The following FUT2 variants were observed in gnomAD, a reference collection of about 807,000 sequenced individuals.
The protein encoded by FUT2 is galactoside alpha-(1,2)-fucosyltransferase 2.
For synonymous variants in FUT2, 182 were observed against 193.1 expected (o/e 0.94, Z 0.48); for missense variants, 419 against 465.8 (o/e 0.90, Z 0.93).
chr19:48,701,367 C>G (rs1305539105), intron 1 of FUT2, among the ~76,000 whole-genome samples: 1 of 151,936 alleles, frequency 6.6e-6, no homozygotes, highest in Non-Finnish European at 1.5e-5. Flanking sequence ...TTAGTAGAGA[C>G]AGGGCCTTGT....
intron 1 of FUT2, chr19:48,696,762 G>T: frequency 6.6e-6 from 1 of 152,522 alleles, no homozygotes; most frequent in Non-Finnish European, 1.5e-5. Context: ...CGAGGCAGTG[G>T]GGTGCGACTG....
rs373601796 is a variant in FUT2 at position 48,703,599 on chromosome 19, G to A, written c.643G>A (p.Gly215Arg). Residue 215 changes from glycine to arginine, a missense_variant, in exon 2 of 2, where the codon GGG becomes AGG. Physicochemically the swap from Gly to Arg is moderately radical, Grantham distance 125. Coordinates refer to ENST00000425340, the MANE Select transcript of FUT2 (RefSeq NM_000511.6). ...CCATGTCATGCCAAAAGTGTGGAAG[G>A]GGGTGGTGGCCGACCGGCGATACCT... is the stretch of plus-strand genomic sequence containing the variant. ...YVHVMPKVWK[G>R]VVADRRYLQQ... The A allele has an allele frequency of 6.2e-7, 1 of 1,613,168 alleles. No homozygotes were observed. Among genetic ancestry groups the A allele is most frequent in the Non-Finnish European group, 8.5e-7 (1 of 1,179,934 alleles).
At position 48,704,182 on chromosome 19, in the gene FUT2, G is replaced by A; in HGVS notation, c.*194G>A. 1.5e-6 allele frequency: 1 copy of A among 652,518 alleles called. No individual in the cohort carries two copies. The highest frequency in any genetic ancestry group is 2.8e-6 in the Non-Finnish European group (1 of 354,164). The allele number at this position is 652,518 out of a possible 1,614,324, so 40.4% of individuals were successfully genotyped here. ...CATGCCTGTAATGCTCGCACTTTGT[G>A]AGGCCAGGGTGGGTGGATCACTTGA... is the stretch of plus-strand genomic sequence containing the variant. On this transcript the variant is annotated 3_prime_UTR_variant, in exon 2 of 2. Coordinates refer to ENST00000425340, the MANE Select transcript of FUT2 (RefSeq NM_000511.6).
At position 48,701,849 on chromosome 19, in the gene FUT2, C is replaced by T. The variant is rs542439280; in HGVS notation, c.-2-1106C>T. ...CTCTACTAAAAATACAAAAGTTAGCCAGGCGTGGTGGCGGGCGCCTGTAAT... is the reference window on the plus strand; with the variant it reads ...CTCTACTAAAAATACAAAAGTTAGCTAGGCGTGGTGGCGGGCGCCTGTAAT... On this transcript the variant is annotated intron_variant, in intron 1 of 1. Coordinates refer to ENST00000425340, the MANE Select transcript of FUT2 (RefSeq NM_000511.6). 1.4e-3 allele frequency among the ~76,000 whole-genome samples: 212 copies of T among 151,782 alleles called. 1 individual carries two copies. The highest frequency in any genetic ancestry group is 9.4e-3 in the South Asian group (44 of 4,698).
chr19:48,698,860 G>A (rs1007997208), intron 1 of FUT2, among the ~76,000 whole-genome samples: 1 of 151,950 alleles, frequency 6.6e-6, no homozygotes, highest in Non-Finnish European at 1.5e-5. Context: ...ACATGTGTGA[G>A]CCATCATGCC....
At chr19:48,700,163 A>G (rs535197862) in intron 1 of FUT2, among the ~76,000 whole-genome samples, 3 of 150,312 alleles carry the variant, frequency 2.0e-5, no homozygotes, top group East Asian at 4.0e-4. Flanking sequence ...AAAAAAAAAA[A>G]AAAAAAAAAA....
chr19:48,701,950 G>C (rs2032524877), intron 1 of FUT2, among the ~76,000 whole-genome samples: 1 of 151,956 alleles, frequency 6.6e-6, no homozygotes, highest in Admixed American at 6.6e-5. Flanking sequence ...CAGAGATCGT[G>C]CCATTGCACT....
At chr19:48,700,477 C>T (rs2032494420) in intron 1 of FUT2, among the ~76,000 whole-genome samples, 1 of 151,872 alleles carries the variant, frequency 6.6e-6, no homozygotes, top group South Asian at 2.1e-4. Flanking sequence ...TAGGCGCCCA[C>T]CACCACACCC....
At position 48,704,631 on chromosome 19, in the gene FUT2, C is replaced by G; in HGVS notation, c.*643C>G. The G allele has an allele frequency of 2.4e-6, 1 of 414,056 alleles. No homozygotes were observed. The highest frequency in any genetic ancestry group is 4.4e-6 in the Non-Finnish European group (1 of 227,118). The allele number at this position is 414,056 out of a possible 1,614,324, so 25.6% of individuals were successfully genotyped here. On this transcript the variant is annotated 3_prime_UTR_variant, in exon 2 of 2. Coordinates refer to ENST00000425340, the MANE Select transcript of FUT2 (RefSeq NM_000511.6). ...TCATCCCATGGTCCCAAAAGGGCTG[C>G]TACACATCCAGCCATCACATGCAGA...
Position 48,703,055 on chromosome 19 carries a change from G to A in FUT2, c.99G>A (p.Ala33=), listed in dbSNP as rs762795161. 27 of 1,612,862 alleles carry A rather than the reference G, an allele frequency of 1.7e-5. No individual in the cohort carries two copies. Among genetic ancestry groups the A allele is most frequent in the African/African-American group, 5.3e-5 (4 of 74,892 alleles). ...TATTTCACGTTCAGCAGCGGCTAGC[G>A]AAGATTCAAGCCATGTGGGAGTTAC... ...STIFHVQQRL[A]KIQAMWELPV... is the part of the protein sequence containing the mutation. Residue 33 remains alanine (A), a synonymous_variant, in exon 2 of 2, where the codon GCG becomes GCA. Coordinates refer to ENST00000425340, the MANE Select transcript of FUT2 (RefSeq NM_000511.6).
intron 1 of FUT2, among the ~76,000 whole-genome samples, chr19:48,698,274 G>C (rs796612072): frequency 1.3e-5 from 2 of 151,802 alleles, no homozygotes; most frequent in Non-Finnish European, 2.9e-5. Context: ...GCTCTGTGAG[G>C]CCTCCCCACC....
chr19:48,698,111 C>T (rs570819055), intron 1 of FUT2, among the ~76,000 whole-genome samples: 1 of 151,434 alleles, frequency 6.6e-6, no homozygotes, highest in Non-Finnish European at 1.5e-5. Context: ...TTATCCCTCC[C>T]CACAACCCCC....
Position 48,704,836 on chromosome 19 carries a change from C to A in FUT2, c.*848C>A, listed in dbSNP as rs2032607072. On this transcript the variant is annotated 3_prime_UTR_variant, in exon 2 of 2. Coordinates refer to ENST00000425340, the MANE Select transcript of FUT2 (RefSeq NM_000511.6). ...AATGAGACTTCTGGGATTAGTTTAGCCTCAGATTCTGCAGCTGAGAAGTTG... is the reference window on the plus strand; with the variant it reads ...AATGAGACTTCTGGGATTAGTTTAGACTCAGATTCTGCAGCTGAGAAGTTG... The A allele has an allele frequency of 2.4e-6, 1 of 413,288 alleles. No homozygotes were observed. Among genetic ancestry groups the A allele is most frequent in the East Asian group, 3.6e-5 (1 of 28,074 alleles). 25.6% of individuals were successfully genotyped at this position (413,288 alleles called of 1,614,324 possible). A position where few individuals can be genotyped will look rare whatever the true frequency, so the allele number is the denominator to read the frequency against.
chr19:48,704,026 C>T lies in FUT2; in HGVS notation c.*38C>T. ...CTTTGAGACCTTTTCTCCTTCTCTG[C>T]CTCCCTCAAGATGAGTGCCCGGGCA... On this transcript the variant is annotated 3_prime_UTR_variant, in exon 2 of 2. Transcript: ENST00000425340. 6.3e-7 allele frequency: 1 copy of T among 1,584,784 alleles called. No homozygotes were observed. Among genetic ancestry groups the T allele is most frequent in the South Asian group, 1.1e-5 (1 of 89,590 alleles).
At chr19:48,696,652 G>A (rs1322962758) in intron 1 of FUT2, 1 of 152,242 alleles carries the variant, frequency 6.6e-6, no homozygotes, top group Non-Finnish European at 1.5e-5. Flanking sequence ...CCAAGTGATG[G>A]CCCTACGTTA....
At chr19:48,702,923 A>G (rs1392747370) in intron 1 of FUT2, 32 bp from the exon 2 acceptor site, 2 of 1,610,378 alleles carry the variant, frequency 1.2e-6, no homozygotes, top group Admixed American at 1.7e-5. Context: ...TCCATCTCCC[A>G]GCTAACGTGT....
In FUT2 at chr19:48,703,229, G is replaced by GC. The variant is rs1408886721; in HGVS notation, c.276dup (p.Ala93ArgfsTer152). 6.2e-7 allele frequency: 1 copy of GC among 1,612,996 alleles called. No homozygotes were observed. Among genetic ancestry groups the GC allele is most frequent in the Non-Finnish European group, 8.5e-7 (1 of 1,180,006 alleles). ...ACGCCCTGGCCAAGATGAACGGGCGGCCCGCCTTCATCCCGGCCCAGATGC... is the reference window on the plus strand; with the variant it reads ...ACGCCCTGGCCAAGATGAACGGGCGGCCCCGCCTTCATCCCGGCCCAGATGC... On this transcript the variant is annotated frameshift_variant, in exon 2 of 2. Coordinates refer to ENST00000425340, the MANE Select transcript of FUT2 (RefSeq NM_000511.6). LOFTEE classifies it low-confidence loss of function (END_TRUNC).
Position 48,704,082 on chromosome 19 carries a change from C to T in FUT2, c.*94C>T, listed in dbSNP as rs1377990296. 8.5e-7 allele frequency: 1 copy of T among 1,171,536 alleles called. No individual in the cohort carries two copies. Among genetic ancestry groups the T allele is most frequent in the Non-Finnish European group, 1.3e-6 (1 of 785,270 alleles). The allele number at this position is 1,171,536 out of a possible 1,614,324, so 72.6% of individuals were successfully genotyped here. ...AGCACATGGTTCCATGAGCAGGACC[C>T]ATCTCTCTTCTGTGAAGATGCGTTG... On this transcript the variant is annotated 3_prime_UTR_variant, in exon 2 of 2. Transcript: ENST00000425340.
intron 1 of FUT2, chr19:48,696,721 A>G (rs2122204609): frequency 6.6e-6 from 1 of 152,414 alleles, no homozygotes. Flanking sequence ...GAATCCGGGA[A>G]TCCCGGGGAG....
Sources: allele counts gnomAD v4.1 joint callset (sites outside exome capture counted in the v4.1 genomes callset), GRCh38; gene constraint gnomAD v4.1.1; transcripts MANE v1.5; gene names NCBI Gene and HGNC (gene_info 2026-07-23, HGNC 2026-07-21).